EIF4E2: variants seen among roughly 807,000 people sequenced by gnomAD.
EIF4E2 encodes eukaryotic translation initiation factor 4E type 2.
Under a neutral mutation model 34.2 loss-of-function variants are expected in EIF4E2, and 13 were observed. The observed-to-expected ratio is 0.38, with a 90% CI of 0.25 to 0.60. EIF4E2 has a LOEUF of 0.60. EIF4E2 is among the 20% of genes least tolerant of loss of function. The pLI is 0.62. For synonymous variants in EIF4E2, 100 were observed against 106.6 expected (o/e 0.94, Z 0.38); for missense variants, 222 against 315.1 (o/e 0.70, Z 2.24).
intron 1 of EIF4E2, among the ~76,000 whole-genome samples, chr2:232,556,204 C>T (rs528837505): frequency 6.6e-6 from 1 of 152,348 alleles, no homozygotes; most frequent in East Asian, 1.9e-4. Context: ...AAAGACAGTG[C>T]TTTGTGGAGT....
exon 7 of EIF4E2, chr2:232,582,611 A>G (rs1693385307): frequency 6.6e-6 from 1 of 152,242 alleles, no homozygotes; most frequent in Admixed American, 6.5e-5. Flanking sequence ...TGAAGACCCC[A>G]GGGAGGTCTT....
chr2:232,576,268 G>A (rs1693216526), intron 6 of EIF4E2, among the ~76,000 whole-genome samples: 2 of 152,128 alleles, frequency 1.3e-5, no homozygotes, highest in Admixed American at 6.6e-5. Flanking sequence ...AGTTTAATGG[G>A]CAGTGTTTAC....
At chr2:232,554,180 A>T (rs1692437998) in intron 1 of EIF4E2, among the ~76,000 whole-genome samples, 1 of 152,230 alleles carries the variant, frequency 6.6e-6, no homozygotes, top group African/African-American at 2.4e-5. Flanking sequence ...ACCCCAACTC[A>T]GCCTAGGTTG....
At chr2:232,568,811 G>A (rs1335288893) in intron 6 of EIF4E2, 134 bp from the exon 7 acceptor site, 17 of 1,487,078 alleles carry the variant, frequency 1.1e-5, no homozygotes, top group Non-Finnish European at 1.5e-5. Flanking sequence ...TTATCCAGAG[G>A]TCTGCCTCTG....
intron 4 of EIF4E2, among the ~76,000 whole-genome samples, chr2:232,565,975 C>A (rs1273345187): frequency 1.3e-5 from 2 of 151,796 alleles, no homozygotes; most frequent in Admixed American, 6.6e-5. Context: ...GCCTGTAGTC[C>A]CAGCTACCCA....
chr2:232,583,594 C>T (rs889396407), exon 7 of EIF4E2: 1 of 152,190 alleles, frequency 6.6e-6, no homozygotes, highest in African/African-American at 2.4e-5. Context: ...TAGTGTTGCA[C>T]TTTCAGAGCA....
chr2:232,558,270 GT>G, intron 3 of EIF4E2: 1 of 332,850 alleles, frequency 3.0e-6, no homozygotes, highest in Non-Finnish European at 5.3e-6. Flanking sequence ...ACAGATTTGG[GT>G]TTTTTTATTT....
At chr2:232,578,545 C>A (rs915013159) in intron 6 of EIF4E2, among the ~76,000 whole-genome samples, 1 of 151,554 alleles carries the variant, frequency 6.6e-6, no homozygotes, top group African/African-American at 2.4e-5. Context: ...GCAGGAGAAT[C>A]GCTTGAACCC....
chr2:232,569,667 G>A (rs1435567237), downstream of EIF4E2: 1 of 152,158 alleles, frequency 6.6e-6, no homozygotes, highest in African/African-American at 2.4e-5. Context: ...GTGCTAATGG[G>A]GTTTTCTCGC....
intron 3 of EIF4E2, among the ~76,000 whole-genome samples, chr2:232,561,479 T>C (rs1692724253): frequency 6.6e-6 from 1 of 152,238 alleles, no homozygotes; most frequent in African/African-American, 2.4e-5. Flanking sequence ...ATTTAAAGTC[T>C]GTCATTTTGA....
intron 6 of EIF4E2, chr2:232,574,216 C>T: frequency 6.5e-7 from 1 of 1,535,094 alleles, no homozygotes. Flanking sequence ...TGTTCAAAAG[C>T]TTTTGATCTG....
downstream of EIF4E2, among the ~76,000 whole-genome samples, chr2:232,571,211 G>C (rs952946826): frequency 6.6e-6 from 1 of 152,180 alleles, no homozygotes; most frequent in Non-Finnish European, 1.5e-5. Context: ...ACTGCCTGCC[G>C]CACAGAGCAG....
chr2:232,570,547 A>G (rs1693066244), downstream of EIF4E2, among the ~76,000 whole-genome samples: 1 of 152,226 alleles, frequency 6.6e-6, no homozygotes, highest in Non-Finnish European at 1.5e-5. Flanking sequence ...ATCCTTGTCA[A>G]TATGAACAAA....
At chr2:232,563,433 A>G (rs1455782082) in intron 3 of EIF4E2, among the ~76,000 whole-genome samples, 1 of 152,092 alleles carries the variant, frequency 6.6e-6, no homozygotes, top group Non-Finnish European at 1.5e-5. Context: ...CTAATGAGAA[A>G]AACAGGACTA....
At chr2:232,570,873 G>A (rs1011581297), downstream of EIF4E2, among the ~76,000 whole-genome samples, 1 of 152,176 alleles carries the variant, frequency 6.6e-6, no homozygotes, top group African/African-American at 2.4e-5. Context: ...GGAGGTGGAG[G>A]TTGCAGGGGG....
rs1345918258 is a variant in EIF4E2 at position 232,569,114 on chromosome 2, CAA to C, written c.*98_*99del. On this transcript the variant is annotated 3_prime_UTR_variant, in exon 7 of 7. Coordinates refer to ENST00000258416, the MANE Select transcript of EIF4E2 (RefSeq NM_004846.4). ...ACCTGGAAGATCCTTCTGTCCTGGA[CAA>C]GAGGAATTGGAAGAGCATTTTATGT... is the stretch of plus-strand genomic sequence containing the variant. The C allele has an allele frequency of 6.5e-7, 1 of 1,540,710 alleles. No homozygotes were observed. The highest frequency in any genetic ancestry group is 1.4e-5 in the African/African-American group (1 of 72,930).
At position 232,556,488 on chromosome 2, in the gene EIF4E2, A is replaced by T; in HGVS notation, c.93A>T (p.Glu31Asp). 6.2e-7 allele frequency: 1 copy of T among 1,613,704 alleles called. No individual in the cohort carries two copies. Among genetic ancestry groups the T allele is most frequent in the Non-Finnish European group, 8.5e-7 (1 of 1,179,874 alleles). The stretch of plus-strand genomic sequence containing the variant: ...GCACACAGAAAGATGGTGAGAAGGA[A>T]AAAACGGAACGAGACAAGAATCAGA... ...ENSTQKDGEK[E>D]KTERDKNQSS... Residue 31 changes from glutamate to aspartate, a missense_variant, in exon 2 of 7, where the codon GAA (glutamate) becomes GAT (aspartate). Glu to Asp is a conservative substitution (Grantham distance 45). Around this residue, in one of 3 missense-constraint regions of EIF4E2, gnomAD observed 87 missense variants for 93.6 expected, o/e 0.93. Transcript: ENST00000258416.
intron 6 of EIF4E2, chr2:232,567,654 C>G (rs1692981983): frequency 9.6e-7 from 1 of 1,043,792 alleles, no homozygotes; most frequent in Admixed American, 5.4e-5. Context: ...GACTACTTAT[C>G]AGGAATGACT....
At chr2:232,583,586 G>C (rs1204800398) in exon 7 of EIF4E2, 1 of 152,204 alleles carries the variant, frequency 6.6e-6, no homozygotes, top group East Asian at 1.9e-4. Context: ...GAGTGATTTA[G>C]TGTTGCACTT....
Sources: gnomAD v4.1 joint callset for allele counts (sites outside exome capture counted in the v4.1 genomes callset) on GRCh38, gnomAD v4.1.1 for gene constraint, gnomAD v4.1.1 regional missense constraint, MANE v1.5 for transcripts, NCBI Gene and HGNC (gene_info 2026-07-23, HGNC 2026-07-21) for gene names.